The following CORIN variants were observed in gnomAD, a reference collection of about 807,000 sequenced individuals.
CORIN encodes atrial natriuretic peptide-converting enzyme.
Under a neutral mutation model 125.3 loss-of-function variants are expected in CORIN, and 117 were observed. That is an observed-to-expected ratio of 0.93 (90% confidence interval 0.80 to 1.09). CORIN has a LOEUF of 1.09. Among genes scored for constraint, CORIN ranks in the 50% least tolerant of loss-of-function variants. CORIN has a pLI of 0.00. For synonymous variants in CORIN, 450 were observed against 466.4 expected, an observed-to-expected ratio of 0.96 and a Z score of 0.45; for missense variants, 1,253 against 1,306.7, an observed-to-expected ratio of 0.96 and a Z score of 0.63.
At chr4:47,795,109 G>A (rs781262333) in intron 2 of CORIN, among the ~76,000 whole-genome samples, 4 of 152,046 alleles carry the variant, frequency 2.6e-5, no homozygotes, top group Admixed American at 6.6e-5. Flanking sequence ...TATACATGTG[G>A]ATTTATTTCT....
In CORIN at chr4:47,646,875, T is replaced by A. The variant is rs547136964; in HGVS notation, c.1844-1681A>T. Among the ~76,000 whole-genome samples the A allele has an allele frequency of 3.3e-5, 5 of 152,340 alleles. 1 individual carries two copies. Among genetic ancestry groups the A allele is most frequent in the African/African-American group, 9.6e-5 (4 of 41,578 alleles). On this transcript the variant is annotated intron_variant, in intron 13 of 21. Transcript: ENST00000273857. The stretch of plus-strand genomic sequence containing the variant: ...TAAGTCGAATAAATTATGTAGATGA[T>A]TGACTCAGGTTTCTTGGAATCCATT...
chr4:47,709,357 A>C (rs958611018), intron 5 of CORIN, among the ~76,000 whole-genome samples: 6 of 152,056 alleles, frequency 3.9e-5, no homozygotes, highest in Admixed American at 3.3e-4. Flanking sequence ...GCAGTGGCAC[A>C]ATCTTGGCTC....
At chr4:47,757,238 A>G (rs1389935941) in intron 4 of CORIN, among the ~76,000 whole-genome samples, 1 of 152,148 alleles carries the variant, frequency 6.6e-6, no homozygotes, top group East Asian at 1.9e-4. Context: ...CAGATCCCAC[A>G]CATACACTAA....
At chr4:47,751,613 C>T (rs1465367767) in intron 4 of CORIN, among the ~76,000 whole-genome samples, 1 of 152,136 alleles carries the variant, frequency 6.6e-6, no homozygotes, top group East Asian at 1.9e-4. Context: ...CAGCAGTTAC[C>T]TCCTCCCTGC....
intron 16 of CORIN, among the ~76,000 whole-genome samples, chr4:47,628,735 G>A (rs78584666): frequency 1.3e-3 from 205 of 152,108 alleles, no homozygotes; most frequent in Non-Finnish European, 1.6e-3. Context: ...TGTGCTTGGC[G>A]TATTTCACTT....
At chr4:47,711,648 CAG>C (rs1726844538) in intron 5 of CORIN, among the ~76,000 whole-genome samples, 1 of 151,986 alleles carries the variant, frequency 6.6e-6, no homozygotes, top group Non-Finnish European at 1.5e-5. Flanking sequence ...TCTTGCTTAA[CAG>C]AGAAAAAAAA....
intron 5 of CORIN, among the ~76,000 whole-genome samples, chr4:47,743,820 G>C (rs1728530693): frequency 6.6e-6 from 1 of 152,096 alleles, no homozygotes; most frequent in Non-Finnish European, 1.5e-5. Flanking sequence ...GAAAGGCAGA[G>C]GTTGCAGTGA....
At chr4:47,792,092 G>C (rs575257082) in intron 2 of CORIN, among the ~76,000 whole-genome samples, 11 of 152,290 alleles carry the variant, frequency 7.2e-5, no homozygotes, top group African/African-American at 2.4e-4. Flanking sequence ...AAGATGATTA[G>C]GGATTTTCTA....
chr4:47,749,365 G>T (rs1453458358), intron 4 of CORIN, among the ~76,000 whole-genome samples: 10 of 152,112 alleles, frequency 6.6e-5, no homozygotes, highest in Admixed American at 6.6e-4. Context: ...TTGTCATATT[G>T]AGGAGACCCA....
chr4:47,656,276 C>T (rs1382792822), intron 12 of CORIN, among the ~76,000 whole-genome samples: 3 of 151,758 alleles, frequency 2.0e-5, no homozygotes, highest in African/African-American at 7.3e-5. Flanking sequence ...ATGCCTCAGC[C>T]TTCCAAGTAG....
chr4:47,708,903 G>A (rs954459160), intron 5 of CORIN, among the ~76,000 whole-genome samples: 2 of 152,176 alleles, frequency 1.3e-5, no homozygotes, highest in African/African-American at 4.8e-5. Context: ...AAAGACTGGG[G>A]AATAATACTC....
chr4:47,728,640 C>A lies in CORIN; in HGVS notation c.799+15762G>T, dbSNP rs115186996. Among the ~76,000 whole-genome samples the A allele has an allele frequency of 2.0e-3, 306 of 152,276 alleles. 4 individuals are homozygous for A. Among genetic ancestry groups the A allele is most frequent in the African/African-American group, 7.3e-3 (304 of 41,548 alleles). On this transcript the variant is annotated intron_variant, in intron 5 of 21. Coordinates refer to ENST00000273857, the MANE Select transcript of CORIN (RefSeq NM_006587.4). ...ATCATACATATTAAATAATATCAGACTTTTGACTTGTTGCTAAAAATTTCC... is the reference window on the plus strand; with the variant it reads ...ATCATACATATTAAATAATATCAGAATTTTGACTTGTTGCTAAAAATTTCC...
At chr4:47,809,796 A>G (rs1045636775) in intron 1 of CORIN, among the ~76,000 whole-genome samples, 1 of 152,348 alleles carries the variant, frequency 6.6e-6, no homozygotes, top group African/African-American at 2.4e-5. Context: ...AATAACTTGC[A>G]TAACTTTCCT....
chr4:47,807,155 C>T (rs61756981), intron 1 of CORIN, 108 bp from the exon 2 acceptor site: 37 of 833,458 alleles, frequency 4.4e-5, no homozygotes, highest in Admixed American at 3.0e-4. Context: ...AAAGATTTTA[C>T]AGTTTGTGGT....
At chr4:47,658,310 T>A (rs1394310300) in intron 12 of CORIN, among the ~76,000 whole-genome samples, 2 of 152,224 alleles carry the variant, frequency 1.3e-5, no homozygotes, top group African/African-American at 4.8e-5. Context: ...AGGGGTGGGC[T>A]CCTAAGGCCT....
At chr4:47,681,363 A>G (rs1725271787) in intron 7 of CORIN, 1 of 152,246 alleles carries the variant, frequency 6.6e-6, no homozygotes, top group Non-Finnish European at 1.5e-5. Flanking sequence ...GAAAGTGATA[A>G]TTATTGCTAT....
At chr4:47,770,501 C>T (rs1393217411) in intron 3 of CORIN, among the ~76,000 whole-genome samples, 4 of 152,022 alleles carry the variant, frequency 2.6e-5, no homozygotes, top group Admixed American at 6.6e-5. Context: ...AATTACAAAA[C>T]GATCCAACAA....
chr4:47,715,075 T>C (rs1397176922), intron 5 of CORIN, among the ~76,000 whole-genome samples: 1 of 152,184 alleles, frequency 6.6e-6, no homozygotes, highest in Non-Finnish European at 1.5e-5. Context: ...TTCAAAATTA[T>C]CTTGGCTAAA....
At position 47,623,713 on chromosome 4, in the gene CORIN, T is replaced by G. The variant is rs1274698950; in HGVS notation, c.2398A>C (p.Lys800Gln). 6.2e-7 allele frequency: 1 copy of G among 1,614,106 alleles called. No individual in the cohort carries two copies. Among genetic ancestry groups the G allele is most frequent in the Non-Finnish European group, 8.5e-7 (1 of 1,180,038 alleles). ...CTCGTCCGACCTCCAAGGATCCTTT[T>G]GTTCATTCGGGCAGCAGGGCGGCGC... Reference protein sequence around the residue: ...CGRRPAARMNKRILGGRTSRP... With the variant: ...CGRRPAARMNQRILGGRTSRP... Residue 800 changes from lysine (K) to glutamine (Q), a missense_variant, in exon 19 of 22, where the codon AAA becomes CAA. Physicochemically the swap from Lys to Gln is moderately conservative, Grantham distance 53. Transcript: ENST00000273857.
Sources: gnomAD v4.1 joint callset for allele counts (sites outside exome capture counted in the v4.1 genomes callset) on GRCh38, gnomAD v4.1.1 for gene constraint, MANE v1.5 for transcripts, NCBI Gene and HGNC (gene_info 2026-07-23, HGNC 2026-07-21) for gene names.